The following PKP4 variants were observed in gnomAD, a reference collection of about 807,000 sequenced individuals.
PKP4 encodes plakophilin 4.
PKP4 carries 90 observed loss-of-function variants against 145.1 expected under a neutral mutation model. The ratio of observed to expected loss-of-function variants is 0.62; its 90% CI spans 0.52 to 0.74. The LOEUF (loss-of-function observed/expected upper bound fraction) is 0.74. PKP4 is among the 30% of genes least tolerant of loss of function. PKP4 has a pLI of 0.00. For missense variants in PKP4, 1,340 were observed against 1,482.7 expected (o/e 0.90, Z 1.58); for synonymous variants, 563 against 577.2 (o/e 0.98, Z 0.35).
chr2:158,528,669 GAAAAAA>G (rs59566011), intron 1 of PKP4, among the ~76,000 whole-genome samples: 25 of 85,976 alleles, frequency 2.9e-4, no homozygotes, highest in African/African-American at 1.0e-3. Flanking sequence ...CTTACTAAAT[GAAAAAA>G]AAAAAAAAAA....
chr2:158,649,454 A>G (rs530903356), intron 11 of PKP4, among the ~76,000 whole-genome samples: 11 of 152,364 alleles, frequency 7.2e-5, no homozygotes, highest in African/African-American at 2.6e-4. Context: ...CCAGGACCAT[A>G]GAGAAATATC....
At chr2:158,571,421 C>A (rs141786970) in intron 2 of PKP4, among the ~76,000 whole-genome samples, 1 of 152,174 alleles carries the variant, frequency 6.6e-6, no homozygotes, top group Non-Finnish European at 1.5e-5. Flanking sequence ...ATATTATGAA[C>A]TACTTTATGC....
chr2:158,645,847 G>A (rs2105941120), intron 11 of PKP4, among the ~76,000 whole-genome samples: 1 of 152,312 alleles, frequency 6.6e-6, no homozygotes, highest in South Asian at 2.1e-4. Context: ...AAAAGTACAT[G>A]ATTGTGTGCT....
intron 2 of PKP4, among the ~76,000 whole-genome samples, chr2:158,538,411 T>C (rs1343206454): frequency 6.6e-6 from 1 of 152,222 alleles, no homozygotes; most frequent in Non-Finnish European, 1.5e-5. Context: ...TGCAAGTTGA[T>C]TTCTGGTTTT....
intron 1 of PKP4, among the ~76,000 whole-genome samples, chr2:158,463,485 G>C (rs1322572587): frequency 6.6e-6 from 1 of 151,780 alleles, no homozygotes; most frequent in Admixed American, 6.6e-5. Context: ...AAAGAGGAAG[G>C]GGGTTTGGAA....
chr2:158,625,244 C>G lies in PKP4; in HGVS notation c.970C>G (p.Arg324Gly), dbSNP rs889553075. Residue 324 changes from arginine to glycine, a missense_variant, in exon 7 of 22, where the codon CGA becomes GGA. By Grantham distance (125) the Arg-to-Gly change is moderately radical. Transcript: ENST00000389759. Reference protein sequence around the residue: ...SPLTLTDAQTRVASPSQGQVG... With the variant: ...SPLTLTDAQTGVASPSQGQVG... Reference sequence around the variant, plus strand: ...ACTGACCCTGACGGATGCACAGACTCGAGTAGCTTCCCCATCCCAAGGCCA... The same window carrying G: ...ACTGACCCTGACGGATGCACAGACTGGAGTAGCTTCCCCATCCCAAGGCCA... 3 of 1,614,194 alleles carry G rather than the reference C, an allele frequency of 1.9e-6. No homozygotes were observed. The highest frequency in any genetic ancestry group is 3.3e-5 in the Admixed American group (2 of 60,032).
intron 1 of PKP4, among the ~76,000 whole-genome samples, chr2:158,501,254 C>T (rs2160940): frequency 0.39 from 59,366 of 151,994 alleles, 12,503 homozygotes; most frequent in East Asian, 0.68. Flanking sequence ...CAATGGTAAC[C>T]GCTCACTTAA....
At chr2:158,620,528 G>T (rs1446815441) in intron 4 of PKP4, among the ~76,000 whole-genome samples, 6 of 152,180 alleles carry the variant, frequency 3.9e-5, no homozygotes. Context: ...GACTGTAAGT[G>T]ACATGAAATA....
At chr2:158,622,590 C>G (rs2052360219) in intron 6 of PKP4, among the ~76,000 whole-genome samples, 1 of 151,970 alleles carries the variant, frequency 6.6e-6, no homozygotes, top group Admixed American at 6.6e-5. Context: ...GTCACGGTTC[C>G]CAACGCCCAC....
intron 4 of PKP4, among the ~76,000 whole-genome samples, chr2:158,604,354 C>G (rs140366921): frequency 6.6e-6 from 1 of 152,156 alleles, no homozygotes; most frequent in Non-Finnish European, 1.5e-5. Flanking sequence ...TTACAGAGAT[C>G]TGTAAGTTCC....
intron 1 of PKP4, among the ~76,000 whole-genome samples, chr2:158,493,263 T>G (rs540024238): frequency 6.6e-6 from 1 of 152,344 alleles, no homozygotes; most frequent in Admixed American, 6.5e-5. Flanking sequence ...TCATAATTTT[T>G]TATTAAATTA....
At chr2:158,526,106 A>G (rs1344181384) in intron 1 of PKP4, among the ~76,000 whole-genome samples, 1 of 151,094 alleles carries the variant, frequency 6.6e-6, no homozygotes, top group Admixed American at 6.6e-5. Flanking sequence ...TGAATAGAAA[A>G]AGAGGGAATC....
intron 17 of PKP4, among the ~76,000 whole-genome samples, chr2:158,672,363 T>A (rs1398173015): frequency 6.6e-6 from 1 of 152,232 alleles, no homozygotes; most frequent in African/African-American, 2.4e-5. Flanking sequence ...ATGGAATTTG[T>A]GTCTGAAAAT....
At chr2:158,484,416 A>T (rs1693869562) in intron 1 of PKP4, among the ~76,000 whole-genome samples, 1 of 152,160 alleles carries the variant, frequency 6.6e-6, no homozygotes, top group Non-Finnish European at 1.5e-5. Flanking sequence ...TTGAGAACTG[A>T]AGCATTGAGG....
intron 4 of PKP4, among the ~76,000 whole-genome samples, chr2:158,615,993 G>A (rs1474738266): frequency 6.6e-6 from 1 of 152,160 alleles, no homozygotes; most frequent in Non-Finnish European, 1.5e-5. Context: ...TGGTCTTTCT[G>A]CCTTTCCTTA....
intron 3 of PKP4, among the ~76,000 whole-genome samples, chr2:158,577,838 A>T (rs1281582878): frequency 3.9e-5 from 6 of 152,200 alleles, no homozygotes. Flanking sequence ...ACTAATTACT[A>T]TATGGAATAA....
At chr2:158,496,494 T>C (rs1347234189) in intron 1 of PKP4, among the ~76,000 whole-genome samples, 1 of 152,134 alleles carries the variant, frequency 6.6e-6, no homozygotes, top group African/African-American at 2.4e-5. Flanking sequence ...CTGTAAACAT[T>C]CTTTTTCCTC....
Position 158,634,012 on chromosome 2 carries a change from A to G in PKP4, c.1343-58A>G. 3.2e-6 allele frequency: 3 copies of G among 924,804 alleles called. No homozygotes were observed. The South Asian group carries it at 4.7e-5, about 14-fold the overall frequency. 57.3% of individuals were successfully genotyped at this position (924,804 alleles called of 1,614,324 possible). ...TAAAATTAAAAATGTTTTACCTTTAATTAAAGTGTGATCTCATGGAGAACA... is the reference window on the plus strand; with the variant it reads ...TAAAATTAAAAATGTTTTACCTTTAGTTAAAGTGTGATCTCATGGAGAACA... On this transcript the variant is annotated intron_variant, in intron 8 of 21. Coordinates refer to ENST00000389759, the MANE Select transcript of PKP4 (RefSeq NM_003628.6).
At chr2:158,601,357 AT>A (rs1386795973) in intron 3 of PKP4, among the ~76,000 whole-genome samples, 1 of 152,242 alleles carries the variant, frequency 6.6e-6, no homozygotes, top group Non-Finnish European at 1.5e-5. Context: ...GTATTTTAAT[AT>A]TGACATAAAA....
Sources: gnomAD v4.1 joint callset for allele counts (sites outside exome capture counted in the v4.1 genomes callset) on GRCh38, gnomAD v4.1.1 for gene constraint, MANE v1.5 for transcripts, NCBI Gene and HGNC (gene_info 2026-07-23, HGNC 2026-07-21) for gene names.